LMBRD1: variants seen among roughly 807,000 people sequenced by gnomAD.
The protein encoded by LMBRD1 is LMBR1 domain containing 1.
A neutral mutation model predicts 74.8 loss-of-function variants in LMBRD1; 64 were observed. The ratio of observed to expected loss-of-function variants is 0.86; its 90% CI spans 0.70 to 1.05. LMBRD1 has a LOEUF of 1.05. Ranked by LOEUF, LMBRD1 falls within the 50% of genes least tolerant of loss-of-function variation. The pLI is 0.00. For synonymous variants in LMBRD1, 204 were observed against 216.3 expected (o/e 0.94, Z 0.50); for missense variants, 652 against 645.9 (o/e 1.01, Z -0.10).
In LMBRD1 at chr6:69,724,348, T is replaced by TAAA. The variant is rs60541159; in HGVS notation, c.637-5270_637-5268dup. ...CTGATACCAAAACCAAAGACACATT[T>TAAA]AAAAAAAAAAAAAAAAACACTACAG... On this transcript the variant is annotated intron_variant, in intron 7 of 15. Coordinates refer to ENST00000649934, the MANE Select transcript of LMBRD1 (RefSeq NM_018368.4). 7.3e-3 allele frequency among the ~76,000 whole-genome samples: 886 copies of TAAA among 122,124 alleles called. 11 individuals are homozygous for TAAA. Among genetic ancestry groups the TAAA allele is most frequent in the South Asian group, 0.04 (137 of 3,388 alleles). The allele number at this position is 122,124 out of a possible 152,430, so 80.1% of individuals were successfully genotyped here.
intron 5 of LMBRD1, among the ~76,000 whole-genome samples, chr6:69,747,473 A>C (rs967585051): frequency 1.3e-5 from 2 of 152,194 alleles, no homozygotes; most frequent in African/African-American, 4.8e-5. Context: ...GCAGATGAAA[A>C]CATTATACAT....
Position 69,701,933 on chromosome 6 carries a change from GA to G in LMBRD1, c.935del (p.Phe312SerfsTer3). ...TTACAAACAGCAATGCAACTAAGAT[GA>G]AAAATATTCCCCAGACGATCTAAAA... ...RPLKIVWGIFFILVALLFVIS... is the reference protein window; with the variant it reads ...RPLKIVWGIFXILVALLFVIS... On this transcript the variant is annotated frameshift_variant, in exon 10 of 16. Coordinates refer to ENST00000649934, the MANE Select transcript of LMBRD1 (RefSeq NM_018368.4). LOFTEE classifies it high-confidence loss of function. The G allele has an allele frequency of 6.2e-7, 1 of 1,601,020 alleles. No homozygotes were observed. Among genetic ancestry groups the G allele is most frequent in the African/African-American group, 1.3e-5 (1 of 74,628 alleles).
At chr6:69,741,286 C>T (rs1207603190) in intron 6 of LMBRD1, among the ~76,000 whole-genome samples, 2 of 151,998 alleles carry the variant, frequency 1.3e-5, no homozygotes, top group Admixed American at 1.3e-4. Context: ...TACGTAATAG[C>T]TAGATGGCTA....
At chr6:69,722,920 C>A (rs1413324137) in intron 7 of LMBRD1, among the ~76,000 whole-genome samples, 2 of 152,080 alleles carry the variant, frequency 1.3e-5, no homozygotes, top group African/African-American at 4.8e-5. Context: ...ATCCAAGACC[C>A]ATTGATCTGT....
At chr6:69,706,063 A>C (rs1766249751) in intron 9 of LMBRD1, 1 of 709,638 alleles carries the variant, frequency 1.4e-6, no homozygotes, top group Admixed American at 1.8e-5. Flanking sequence ...ATCATTATCC[A>C]CCTTAAAGTG....
intron 7 of LMBRD1, among the ~76,000 whole-genome samples, chr6:69,723,664 C>T (rs544749117): frequency 4.0e-4 from 60 of 151,750 alleles, no homozygotes; most frequent in Non-Finnish European, 6.6e-4. Context: ...CAGGATACAG[C>T]GAAAGTAGCA....
intron 3 of LMBRD1, among the ~76,000 whole-genome samples, chr6:69,777,176 A>G (rs931668138): frequency 1.3e-5 from 2 of 150,644 alleles, no homozygotes; most frequent in African/African-American, 2.4e-5. Flanking sequence ...GTCCGGGCAC[A>G]ATGAGTGGCT....
intron 3 of LMBRD1, among the ~76,000 whole-genome samples, chr6:69,753,898 G>A (rs868858597): frequency 2.0e-5 from 3 of 150,868 alleles, no homozygotes; most frequent in South Asian, 4.2e-4. Context: ...CCGAGATCGC[G>A]CCACTGCACT....
intron 8 of LMBRD1, among the ~76,000 whole-genome samples, chr6:69,717,764 C>A (rs1207057666): frequency 6.6e-6 from 1 of 152,320 alleles, no homozygotes. Flanking sequence ...GCGGCACGAT[C>A]ATGGATCACT....
chr6:69,796,741 C>A, intron 1 of LMBRD1, 72 bp downstream of exon 1: 1 of 1,450,746 alleles, frequency 6.9e-7, no homozygotes, highest in Non-Finnish European at 9.6e-7. Flanking sequence ...CCCGGAGAGG[C>A]CAACTGCAGG....
At chr6:69,770,212 C>T (rs145697728) in intron 3 of LMBRD1, among the ~76,000 whole-genome samples, 1 of 152,288 alleles carries the variant, frequency 6.6e-6, no homozygotes, top group Non-Finnish European at 1.5e-5. Context: ...GAGCACCACC[C>T]AACTGAGTGA....
intron 7 of LMBRD1, among the ~76,000 whole-genome samples, chr6:69,722,271 C>T (rs1766632836): frequency 1.3e-5 from 2 of 152,100 alleles, no homozygotes; most frequent in Non-Finnish European, 2.9e-5. Flanking sequence ...ACCAGACCTG[C>T]CCTGCAAGAA....
intron 2 of LMBRD1, among the ~76,000 whole-genome samples, chr6:69,786,746 G>A (rs1216753684): frequency 1.3e-5 from 2 of 152,178 alleles, no homozygotes; most frequent in Non-Finnish European, 2.9e-5. Flanking sequence ...TAAGAAGGCA[G>A]AGAAAGCTAG....
intron 14 of LMBRD1, among the ~76,000 whole-genome samples, chr6:69,679,047 A>C (rs9346329): frequency 7.5e-5 from 9 of 120,582 alleles, no homozygotes; most frequent in African/African-American, 1.1e-4. Flanking sequence ...TTAAAACAAA[A>C]AAAAAAAAAC....
intron 7 of LMBRD1, among the ~76,000 whole-genome samples, chr6:69,719,409 T>A (rs1224175613): frequency 6.6e-6 from 1 of 152,032 alleles, no homozygotes; most frequent in Non-Finnish European, 1.5e-5. Context: ...AGTAAAAAAA[T>A]TTAAAAAAAT....
rs3214020 is a variant in LMBRD1 at position 69,676,355 on chromosome 6, A to G, written c.1510-84T>C. The G allele has an allele frequency of 0.03, 47,663 of 1,574,632 alleles. 3,993 individuals carry two copies. The African/African-American group carries it at 0.3, about 10-fold the overall frequency. On this transcript the variant is annotated intron_variant, in intron 15 of 15. Coordinates refer to ENST00000649934, the MANE Select transcript of LMBRD1 (RefSeq NM_018368.4). ...TGCTTTAAAATTCAATGACAGTACT[A>G]TGATACAAATGGCCTAGTAAGATAA... is the stretch of plus-strand genomic sequence containing the variant.
intron 3 of LMBRD1, among the ~76,000 whole-genome samples, chr6:69,764,397 A>G (rs1175137081): frequency 6.6e-6 from 1 of 152,098 alleles, no homozygotes; most frequent in East Asian, 1.9e-4. Flanking sequence ...AGCTATCTAT[A>G]AGCATGGAAG....
chr6:69,689,574 G>T (rs1765834679), intron 14 of LMBRD1, among the ~76,000 whole-genome samples: 1 of 152,104 alleles, frequency 6.6e-6, no homozygotes, highest in African/African-American at 2.4e-5. Context: ...TGGGAAATCA[G>T]TCTTGATAAA....
At chr6:69,696,287 A>C (rs1270937118) in intron 14 of LMBRD1, among the ~76,000 whole-genome samples, 1 of 152,010 alleles carries the variant, frequency 6.6e-6, no homozygotes, top group Non-Finnish European at 1.5e-5. Flanking sequence ...CAGGCTTTCA[A>C]CTCTCTTGGA....
Sources: allele counts gnomAD v4.1 joint callset (sites outside exome capture counted in the v4.1 genomes callset), GRCh38; gene constraint gnomAD v4.1.1; transcripts MANE v1.5; gene names NCBI Gene and HGNC (gene_info 2026-07-23, HGNC 2026-07-21).